Variants in KIAA1217 observed in about 807,000 individuals in gnomAD.
KIAA1217 encodes KIAA1217.
A neutral mutation model predicts 163.9 loss-of-function variants in KIAA1217; 88 were observed. That is an observed-to-expected ratio of 0.54 (90% CI 0.45 to 0.64). The LOEUF is 0.64. Among genes scored for constraint, KIAA1217 ranks in the 30% least tolerant of loss-of-function variants. The pLI, the probability that KIAA1217 is intolerant of heterozygous loss-of-function variation, is 0.00. For missense variants in KIAA1217, 2,372 were observed against 2,475.0 expected (o/e 0.96, Z 0.88); for synonymous variants, 903 against 923.1 (o/e 0.98, Z 0.39).
intron 1 of KIAA1217, among the ~76,000 whole-genome samples, chr10:23,706,375 T>C (rs1254422900): frequency 6.6e-6 from 1 of 152,144 alleles, no homozygotes; most frequent in African/African-American, 2.4e-5. Flanking sequence ...GCACCCAGTC[T>C]TTCACCATTA....
At chr10:23,836,546 G>GT (rs1413507855) in intron 1 of KIAA1217, among the ~76,000 whole-genome samples, 2 of 146,192 alleles carry the variant, frequency 1.4e-5, no homozygotes, top group African/African-American at 5.1e-5. Context: ...TTGTATAAAT[G>GT]TAAGAGGTAC....
At chr10:24,125,536 A>C (rs1458074362) in intron 2 of KIAA1217, among the ~76,000 whole-genome samples, 1 of 150,386 alleles carries the variant, frequency 6.6e-6, no homozygotes, top group Non-Finnish European at 1.5e-5. Flanking sequence ...AAAAATCTCT[A>C]CCTTCTCTGT....
intron 4 of KIAA1217, among the ~76,000 whole-genome samples, chr10:24,438,007 A>AT (rs1424681904): frequency 6.6e-6 from 1 of 151,628 alleles, no homozygotes; most frequent in Non-Finnish European, 1.5e-5. Flanking sequence ...ACAATTAAAT[A>AT]TTTAAATATC....
At chr10:24,273,974 G>A (rs1256635900) in intron 2 of KIAA1217, among the ~76,000 whole-genome samples, 1 of 152,042 alleles carries the variant, frequency 6.6e-6, no homozygotes, top group Non-Finnish European at 1.5e-5. Flanking sequence ...CAGATATTTG[G>A]TGTAGGGCAT....
At chr10:23,940,747 G>A (rs1365763847) in intron 1 of KIAA1217, among the ~76,000 whole-genome samples, 2 of 152,170 alleles carry the variant, frequency 1.3e-5, no homozygotes, top group Non-Finnish European at 1.5e-5. Context: ...TGTATATTCT[G>A]TGACAAGGGA....
At chr10:23,802,530 T>C (rs1308529955) in intron 1 of KIAA1217, among the ~76,000 whole-genome samples, 2 of 152,216 alleles carry the variant, frequency 1.3e-5, no homozygotes, top group Non-Finnish European at 2.9e-5. Context: ...ATAGAATCAA[T>C]GCATATGAGG....
chr10:24,154,569 T>C (rs529788177), intron 2 of KIAA1217, among the ~76,000 whole-genome samples: 3 of 152,166 alleles, frequency 2.0e-5, no homozygotes, highest in African/African-American at 7.2e-5. Context: ...GCCAAATTCA[T>C]AGAGATAGAA....
chr10:23,853,410 G>T (rs1007777002), intron 1 of KIAA1217, among the ~76,000 whole-genome samples: 3 of 152,110 alleles, frequency 2.0e-5, no homozygotes, highest in African/African-American at 7.2e-5. Context: ...GCTGGATTCG[G>T]TTTGTCAGTA....
chr10:24,321,521 C>T (rs2044156267), intron 2 of KIAA1217, among the ~76,000 whole-genome samples: 1 of 151,870 alleles, frequency 6.6e-6, no homozygotes, highest in African/African-American at 2.4e-5. Flanking sequence ...TAACAGAGAG[C>T]AAGGCTTCAT....
At chr10:23,745,073 T>C (rs1310519877) in intron 1 of KIAA1217, among the ~76,000 whole-genome samples, 1 of 152,196 alleles carries the variant, frequency 6.6e-6, no homozygotes, top group Non-Finnish European at 1.5e-5. Context: ...GGGCCAGTCA[T>C]ATTGACATAT....
intron 1 of KIAA1217, among the ~76,000 whole-genome samples, chr10:23,887,480 A>C (rs998874866): frequency 6.6e-6 from 1 of 151,898 alleles, no homozygotes; most frequent in Non-Finnish European, 1.5e-5. Context: ...GAGGCTTTTC[A>C]CATCTCTGTC....
At chr10:24,034,023 G>A (rs934402324) in intron 2 of KIAA1217, among the ~76,000 whole-genome samples, 2 of 152,204 alleles carry the variant, frequency 1.3e-5, no homozygotes, top group African/African-American at 4.8e-5. Context: ...ATTAAGCCAG[G>A]ATGAAGTAGG....
intron 2 of KIAA1217, among the ~76,000 whole-genome samples, chr10:24,048,541 G>A (rs182752712): frequency 1.7e-3 from 265 of 151,858 alleles, no homozygotes; most frequent in Middle Eastern, 0.01. Context: ...GATCAGCCTG[G>A]CCAAAATGGT....
intron 1 of KIAA1217, among the ~76,000 whole-genome samples, chr10:23,838,500 G>A (rs981147606): frequency 4.3e-4 from 65 of 149,966 alleles, no homozygotes; most frequent in African/African-American, 1.4e-3. Context: ...TCGCTCTATC[G>A]CCCAGGCTGG....
chr10:23,784,101 A>G (rs1835380167), intron 1 of KIAA1217, among the ~76,000 whole-genome samples: 1 of 152,008 alleles, frequency 6.6e-6, no homozygotes, highest in Non-Finnish European at 1.5e-5. Context: ...TTCTGATAAT[A>G]TTTAGGTGCT....
intron 1 of KIAA1217, among the ~76,000 whole-genome samples, chr10:23,764,871 A>G (rs1435038584): frequency 4.6e-5 from 7 of 152,202 alleles, no homozygotes; most frequent in African/African-American, 7.2e-5. Flanking sequence ...ACATATACCT[A>G]TGTAACAAAC....
chr10:24,062,821 G>A (rs190364093), intron 2 of KIAA1217, among the ~76,000 whole-genome samples: 3,983 of 152,206 alleles, frequency 0.026, 164 homozygotes, highest in African/African-American at 0.092. Flanking sequence ...ACTTTTTAAT[G>A]ATCACCATTC....
At chr10:23,704,966 ACT>A (rs1836788461) in intron 1 of KIAA1217, among the ~76,000 whole-genome samples, 1 of 151,794 alleles carries the variant, frequency 6.6e-6, no homozygotes, top group African/African-American at 2.4e-5. Flanking sequence ...CCAATACTTA[ACT>A]CTTTTTTTGA....
intron 2 of KIAA1217, among the ~76,000 whole-genome samples, chr10:24,058,500 A>G (rs186107967): frequency 2.4e-4 from 36 of 152,266 alleles, no homozygotes; most frequent in Middle Eastern, 3.4e-3. Flanking sequence ...CACTTTAACA[A>G]TATTAAGTCT....
Sources: gnomAD v4.1 joint callset for allele counts (sites outside exome capture counted in the v4.1 genomes callset) on GRCh38, gnomAD v4.1.1 for gene constraint, MANE v1.5 for transcripts, NCBI Gene and HGNC (gene_info 2026-07-23, HGNC 2026-07-21) for gene names.